The following PSD3 variants were observed in gnomAD, a reference collection of about 807,000 sequenced individuals.
The protein encoded by PSD3 is PH and SEC7 domain-containing protein 3.
In PSD3, 49 loss-of-function variants were observed where a neutral mutation model predicts 105.5. The observed-to-expected ratio is 0.46, with a 90% CI of 0.37 to 0.59. The LOEUF is 0.59. Ranked by LOEUF, PSD3 falls within the 20% of genes least tolerant of loss-of-function variation. The pLI, the probability that PSD3 is intolerant of heterozygous loss-of-function variation, is 0.00. For missense variants in PSD3, 1,561 were observed against 1,263.8 expected, an observed-to-expected ratio of 1.24 and a Z score of -3.57; for synonymous variants, 557 against 457.8, an observed-to-expected ratio of 1.22 and a Z score of -2.77.
intron 1 of PSD3, among the ~76,000 whole-genome samples, chr8:19,072,172 G>T (rs1415900710): frequency 6.7e-6 from 1 of 150,222 alleles, no homozygotes; most frequent in African/African-American, 2.5e-5. Context: ...CACGATCTCT[G>T]CTCACTGCAG....
At chr8:18,572,857 T>G (rs1480405641) in intron 13 of PSD3, among the ~76,000 whole-genome samples, 185 bp from the exon 14 acceptor site, 1 of 152,154 alleles carries the variant, frequency 6.6e-6, no homozygotes. Flanking sequence ...AAAGAAGCTA[T>G]GATCATCACA....
At chr8:18,658,031 C>A (rs1165929948) in intron 9 of PSD3, among the ~76,000 whole-genome samples, 1 of 152,200 alleles carries the variant, frequency 6.6e-6, no homozygotes, top group African/African-American at 2.4e-5. Flanking sequence ...AAAATTCTTG[C>A]TATTCAATCA....
At chr8:19,043,967 G>A (rs538707928) in intron 1 of PSD3, among the ~76,000 whole-genome samples, 74 of 152,272 alleles carry the variant, frequency 4.9e-4, no homozygotes, top group African/African-American at 1.7e-3. Flanking sequence ...ACAAGCTGCT[G>A]AGCAGCAATC....
intron 10 of PSD3, among the ~76,000 whole-genome samples, chr8:18,636,270 A>AT (rs1055273738): frequency 1.2e-4 from 6 of 50,514 alleles, no homozygotes; most frequent in African/African-American, 4.3e-4. Flanking sequence ...ATTTTTAACA[A>AT]TTTTTTTAAC....
intron 8 of PSD3, among the ~76,000 whole-genome samples, chr8:18,766,474 A>G (rs1345079793): frequency 2.6e-5 from 4 of 152,234 alleles, no homozygotes; most frequent in Admixed American, 6.5e-5. Flanking sequence ...TATAATGTAG[A>G]AAAAAACTTG....
chr8:18,782,758 T>C (rs1355336467), intron 8 of PSD3, among the ~76,000 whole-genome samples: 1 of 152,182 alleles, frequency 6.6e-6, no homozygotes, highest in African/African-American at 2.4e-5. Context: ...GAGGGCTAAC[T>C]TGGGGCCCCA....
rs187465961 is a variant in PSD3 at position 18,822,134 on chromosome 8, C to T, written c.1635-17236G>A. On this transcript the variant is annotated intron_variant, in intron 4 of 15. Coordinates refer to ENST00000327040, the MANE Select transcript of PSD3 (RefSeq NM_015310.4). ...TACTTTCTATCTTTTCTACATGCAA[C>T]ACACTCTTTGTGAAACAGGCATTCC... Among the ~76,000 whole-genome samples, 51 of 152,294 alleles carry T rather than the reference C, an allele frequency of 3.3e-4. 1 individual carries two copies. The highest frequency in any genetic ancestry group is 2.9e-3 in the Admixed American group (45 of 15,302).
intron 1 of PSD3, among the ~76,000 whole-genome samples, chr8:18,992,607 G>T (rs1465202201): frequency 6.6e-6 from 1 of 152,086 alleles, no homozygotes; most frequent in Non-Finnish European, 1.5e-5. Context: ...AACCAAAAAG[G>T]ACTCAAGTGT....
chr8:18,752,491 T>C (rs1294470461), intron 9 of PSD3, among the ~76,000 whole-genome samples: 1 of 18,014 alleles, frequency 5.6e-5, no homozygotes, highest in Non-Finnish European at 1.7e-4. Context: ...ATTATATATA[T>C]AATATATATA....
chr8:18,990,853 T>C (rs977396557), intron 1 of PSD3, among the ~76,000 whole-genome samples: 5 of 152,136 alleles, frequency 3.3e-5, no homozygotes, highest in African/African-American at 1.2e-4. Flanking sequence ...AGTGTTACAC[T>C]AACAGTCATG....
At chr8:18,649,113 G>C (rs555686148) in intron 10 of PSD3, among the ~76,000 whole-genome samples, 1 of 152,336 alleles carries the variant, frequency 6.6e-6, no homozygotes, top group Admixed American at 6.5e-5. Context: ...TCACTGCTTA[G>C]TGGAGCTGTG....
Position 18,846,800 on chromosome 8 carries a change from G to A in PSD3, c.1634+20874C>T, listed in dbSNP as rs1283561581. ...TCTCTAGGGGTCTTGCTCATGAAGA[G>A]GGAAATTACAGATTATGGCAGGTTG... On this transcript the variant is annotated intron_variant, in intron 4 of 15. Coordinates refer to ENST00000327040, the MANE Select transcript of PSD3 (RefSeq NM_015310.4). 2.0e-5 allele frequency among the ~76,000 whole-genome samples: 3 copies of A among 152,098 alleles called. No individual in the cohort carries two copies. In the South Asian group the frequency reaches 6.2e-4, roughly 32 times the overall value.
intron 9 of PSD3, among the ~76,000 whole-genome samples, chr8:18,684,452 C>A (rs935748714): frequency 1.3e-5 from 2 of 151,912 alleles, no homozygotes; most frequent in African/African-American, 2.4e-5. Flanking sequence ...TGAATTTCCA[C>A]AAGGAAGAAA....
At chr8:18,961,979 T>C (rs1823956127) in intron 1 of PSD3, among the ~76,000 whole-genome samples, 1 of 151,890 alleles carries the variant, frequency 6.6e-6, no homozygotes, top group South Asian at 2.1e-4. Context: ...ATTTTATATT[T>C]AAAAATAATG....
chr8:18,647,608 T>A (rs1182811946), intron 10 of PSD3, among the ~76,000 whole-genome samples: 8 of 150,116 alleles, frequency 5.3e-5, no homozygotes, highest in African/African-American at 2.0e-4. Flanking sequence ...TAAAACTGTT[T>A]TTTTTTTTTT....
intron 8 of PSD3, among the ~76,000 whole-genome samples, chr8:18,780,196 G>A (rs1283063502): frequency 6.6e-6 from 1 of 152,014 alleles, no homozygotes; most frequent in Non-Finnish European, 1.5e-5. Flanking sequence ...CCGCTTTTTG[G>A]CTTAAAGTCT....
chr8:18,834,138 T>G (rs1489787619), intron 4 of PSD3, among the ~76,000 whole-genome samples: 1 of 152,154 alleles, frequency 6.6e-6, no homozygotes, highest in Non-Finnish European at 1.5e-5. Flanking sequence ...TGTAATCCAA[T>G]TCAAAGAGCA....
chr8:18,865,909 C>T (rs1586267493), intron 4 of PSD3, among the ~76,000 whole-genome samples: 1 of 152,156 alleles, frequency 6.6e-6, no homozygotes, highest in Non-Finnish European at 1.5e-5. Flanking sequence ...TGACTGGCAC[C>T]CATGCTGGCC....
At chr8:18,579,249 A>T (rs1168444088) in intron 12 of PSD3, among the ~76,000 whole-genome samples, 1 of 152,176 alleles carries the variant, frequency 6.6e-6, no homozygotes, top group African/African-American at 2.4e-5. Flanking sequence ...AGGAGAGGAT[A>T]GTGTTTAAAT....
Sources: gnomAD v4.1 joint callset for allele counts (sites outside exome capture counted in the v4.1 genomes callset) on GRCh38, gnomAD v4.1.1 for gene constraint, MANE v1.5 for transcripts, NCBI Gene and HGNC (gene_info 2026-07-23, HGNC 2026-07-21) for gene names.